Variants in MAP4K2 observed in about 807,000 individuals in gnomAD.
MAP4K2 encodes the protein B lymphocyte serine/threonine protein kinase.
In MAP4K2, 85 loss-of-function variants were observed where a neutral mutation model predicts 125.3. The ratio of observed to expected loss-of-function variants is 0.68; its 90% confidence interval spans 0.57 to 0.81. MAP4K2 has a LOEUF of 0.81. Among genes scored for constraint, MAP4K2 ranks in the 40% least tolerant of loss-of-function variants. The pLI is 0.00. For synonymous variants in MAP4K2, 479 were observed against 445.1 expected (o/e 1.08, Z -0.96); for missense variants, 923 against 1,056.4 (o/e 0.87, Z 1.75).
Position 64,792,368 on chromosome 11 carries a change from A to G in MAP4K2, c.1806T>C (p.Arg602=). 1 of 1,353,666 alleles carries G rather than the reference A, an allele frequency of 7.4e-7. No individual in the cohort carries two copies. 83.9% of individuals were successfully genotyped at this position (1,353,666 alleles called of 1,614,324 possible). The change falls in exon 25 of 32, where the codon CGT becomes CGC. Residue 602 remains arginine, a synonymous_variant. Coordinates refer to ENST00000294066, the MANE Select transcript of MAP4K2 (RefSeq NM_004579.5). ...IPDTKGCLQC[R]VVRNPYTGAT... ...CCCGCCCAGCCCATTTCTTACCCAC[A>G]CGACACTGCAAGCAGCCTTTGGTGT...
chr11:64,791,372 TTTTG>T (rs1401384667), intron 27 of MAP4K2, among the ~76,000 whole-genome samples: 1 of 152,002 alleles, frequency 6.6e-6, no homozygotes, highest in Non-Finnish European at 1.5e-5. Context: ...GTTGACCAGT[TTTTG>T]TTTTTGTTTT....
Position 64,789,482 on chromosome 11 carries a change from G to C in MAP4K2, c.*55C>G, listed in dbSNP as rs912234591. 15 of 1,501,216 alleles carry C rather than the reference G, an allele frequency of 1.0e-5. No homozygotes were observed. Among genetic ancestry groups the C allele is most frequent in the African/African-American group, 5.6e-5 (4 of 72,058 alleles). 93.0% of individuals were successfully genotyped at this position (1,501,216 alleles called of 1,614,324 possible). On this transcript the variant is annotated 3_prime_UTR_variant, in exon 32 of 32. Transcript: ENST00000294066. ...AGGATGGGCCCCTTTGCCCAAAAGG[G>C]CCTGCAGCTAAGGCGTGGGGTGGGG... is the stretch of plus-strand genomic sequence containing the variant.
Position 64,797,035 on chromosome 11 carries a change from G to T in MAP4K2, c.1366-12C>A, listed in dbSNP as rs1190689283. The T allele has an allele frequency of 6.2e-7, 1 of 1,613,970 alleles. No individual in the cohort carries two copies. The highest frequency in any genetic ancestry group is 1.3e-5 in the African/African-American group (1 of 74,902). ...TGGCAGGATGACCTCTGGGAGGGAG[G>T]AAAGGAGTCAGGGCTGATATGACAG... On this transcript the variant is annotated splice_polypyrimidine_tract_variant and intron_variant, in intron 19 of 31. Transcript: ENST00000294066.
chr11:64,799,354 C>T (rs766558055), intron 14 of MAP4K2, 67 bp downstream of exon 14: 302 of 1,573,714 alleles, frequency 1.9e-4, no homozygotes, highest in Non-Finnish European at 2.5e-4. Flanking sequence ...TTGAGCTGCT[C>T]GGCCTCCATC....
chr11:64,802,505 G>A (rs376873742), intron 3 of MAP4K2, 22 bp from the exon 4 acceptor site: 175 of 1,552,560 alleles, frequency 1.1e-4, no homozygotes, highest in Non-Finnish European at 1.5e-4. Context: ...GAGCTGGGGT[G>A]GGCACAAAGC....
intron 10 of MAP4K2, 66 bp downstream of exon 10, chr11:64,800,698 A>G: frequency 6.5e-7 from 1 of 1,547,718 alleles, no homozygotes; most frequent in South Asian, 1.2e-5. Flanking sequence ...GGGAGTTGGC[A>G]GAGGCTGTTT....
rs964804826 is a variant in MAP4K2 at position 64,788,562 on chromosome 11, G to A, written c.*975C>T. ...AGGAGGACGCCCTCCCTGGGGGCTG[G>A]TCTGTTTCTGGTAGTGACCCCAGGG... On this transcript the variant is annotated 3_prime_UTR_variant, in exon 32 of 32. Transcript: ENST00000294066. 2.0e-5 allele frequency: 3 copies of A among 152,222 alleles called. No individual in the cohort carries two copies. Among genetic ancestry groups the A allele is most frequent in the Admixed American group, 2.0e-4 (3 of 15,288 alleles). The allele number at this position is 152,222 out of a possible 1,614,324, so 9.4% of individuals were successfully genotyped here. A position where few individuals can be genotyped will look rare whatever the true frequency, so the allele number is the denominator to read the frequency against.
Position 64,799,406 on chromosome 11 carries a change from G to A in MAP4K2, c.1053+15C>T, listed in dbSNP as rs1941022335. 1 of 1,612,346 alleles carries A rather than the reference G, an allele frequency of 6.2e-7. No homozygotes were observed. On this transcript the variant is annotated intron_variant, in intron 14 of 31. Coordinates refer to ENST00000294066, the MANE Select transcript of MAP4K2 (RefSeq NM_004579.5). ...CCTCTGGGCACCACCTTCCCCTCAAGGCCTGCCCACTCACCGGCTCATTCA... is the reference window on the plus strand; with the variant it reads ...CCTCTGGGCACCACCTTCCCCTCAAAGCCTGCCCACTCACCGGCTCATTCA...
chr11:64,799,755 C>A (rs1592602007), intron 12 of MAP4K2, 72 bp from the exon 13 acceptor site: 3 of 1,263,604 alleles, frequency 2.4e-6, no homozygotes, highest in East Asian at 4.7e-5. Context: ...AGGAGCTTCA[C>A]ACGCACCAGT....
intron 10 of MAP4K2, 141 bp from the exon 11 acceptor site, chr11:64,800,533 C>T (rs1941100914): frequency 4.5e-6 from 5 of 1,102,422 alleles, no homozygotes; most frequent in African/African-American, 3.2e-5. Flanking sequence ...GGCCACTGGC[C>T]GAGCAACGCT....
rs188591647 is a variant in MAP4K2 at position 64,799,649 on chromosome 11, C to T, written c.950G>A (p.Arg317Gln). The T allele has an allele frequency of 3.8e-5, 62 of 1,613,946 alleles. No homozygotes were observed. In the Admixed American group the frequency reaches 7.2e-4, roughly 19 times the overall value. ...CCTCTCGGCTGGGCCGTGCTGCCCC[C>T]GGGAGTGAATGGTGTCTGGAAACAT... ...YDMFPDTIHS[R>Q]GQHGPAERTP... The change falls in exon 13 of 32, where the codon CGG (arginine) becomes CAG (glutamine). Residue 317 changes from arginine (R) to glutamine (Q), a missense_variant. By Grantham distance (43) the Arg-to-Gln change is conservative (BLOSUM62 1). Coordinates refer to ENST00000294066, the MANE Select transcript of MAP4K2 (RefSeq NM_004579.5).
chr11:64,789,660 C>T (rs11231869), intron 31 of MAP4K2, 36 bp from the exon 32 acceptor site: 114,529 of 1,612,018 alleles, frequency 0.071, 9,329 homozygotes, highest in East Asian at 0.36. Flanking sequence ...GGGCGGGAGA[C>T]ACTTGGTACA....
chr11:64,789,989 C>T (rs568199989), intron 29 of MAP4K2, 30 bp from the exon 30 acceptor site: 14 of 1,610,902 alleles, frequency 8.7e-6, no homozygotes, highest in Middle Eastern at 1.9e-4. Flanking sequence ...ATCAGCCCTG[C>T]ACCCATCTTG....
At chr11:64,800,693 T>C (rs976156203) in intron 10 of MAP4K2, 71 bp downstream of exon 10, 6 of 1,542,914 alleles carry the variant, frequency 3.9e-6, no homozygotes, top group Non-Finnish European at 5.2e-6. Flanking sequence ...CCCCCGGGAG[T>C]TGGCAGAGGC....
chr11:64,790,027 G>T, intron 29 of MAP4K2, 68 bp from the exon 30 acceptor site: 1 of 1,584,684 alleles, frequency 6.3e-7, no homozygotes, highest in South Asian at 1.1e-5. Context: ...CCTGAGCCTG[G>T]GTCTGGGCCA....
chr11:64,797,047 G>T, intron 19 of MAP4K2, 24 bp from the exon 20 acceptor site: 2 of 1,614,084 alleles, frequency 1.2e-6, no homozygotes, highest in Non-Finnish European at 1.7e-6. Flanking sequence ...AAGGAGTCAG[G>T]GCTGATATGA....
chr11:64,791,596 C>T (rs539646895), intron 27 of MAP4K2, among the ~76,000 whole-genome samples: 1 of 152,328 alleles, frequency 6.6e-6, no homozygotes, highest in South Asian at 2.1e-4. Flanking sequence ...GTCTCAAACT[C>T]ATGAGCTCAA....
In MAP4K2 at chr11:64,800,133, G is replaced by A. The variant is rs1225831158; in HGVS notation, c.891C>T (p.Pro297=). The part of the protein sequence containing the change: ...DKASDPHLGT[P]SPEDCELETY... ...CCTCCAGCTCACAGTCCTCAGGGGA[G>A]GGGGTCCCCAGATGAGGGTCACTGG... Residue 297 remains proline (P), a synonymous_variant, in exon 12 of 32, where the codon CCC becomes CCT. Transcript: ENST00000294066. 4 of 1,610,814 alleles carry A rather than the reference G, an allele frequency of 2.5e-6. No homozygotes were observed. The highest frequency in any genetic ancestry group is 8.5e-7 in the Non-Finnish European group (1 of 1,178,942).
chr11:64,798,070 G>A (rs1049250805), intron 15 of MAP4K2, among the ~76,000 whole-genome samples: 8 of 150,976 alleles, frequency 5.3e-5, no homozygotes, highest in African/African-American at 7.3e-5. Flanking sequence ...GCAAGATATC[G>A]GCTCACTGCA....
Sources: gnomAD v4.1 joint callset for allele counts (sites outside exome capture counted in the v4.1 genomes callset) on GRCh38, gnomAD v4.1.1 for gene constraint, MANE v1.5 for transcripts, NCBI Gene and HGNC (gene_info 2026-07-23, HGNC 2026-07-21) for gene names.